The following DISC1 variants were observed in gnomAD, a reference collection of about 807,000 sequenced individuals.
DISC1 encodes disrupted in schizophrenia 1 protein.
A neutral mutation model predicts 84.5 loss-of-function variants in DISC1; 57 were observed. The observed-to-expected ratio is 0.67, with a 90% CI of 0.55 to 0.84. The LOEUF is 0.84. DISC1 is among the 40% of genes least tolerant of loss of function. The pLI, the probability that DISC1 is intolerant of heterozygous loss-of-function variation, is 0.00. For synonymous variants in DISC1, 411 were observed against 415.2 expected, an observed-to-expected ratio of 0.99 and a Z score of 0.12; for missense variants, 1,000 against 1,057.8, an observed-to-expected ratio of 0.95 and a Z score of 0.76.
chr1:231,903,371 C>T (rs907379683), intron 9 of DISC1, among the ~76,000 whole-genome samples: 1 of 152,050 alleles, frequency 6.6e-6, no homozygotes, highest in African/African-American at 2.4e-5. Flanking sequence ...GTTAGGACTT[C>T]AACAATTTAA....
In DISC1 at chr1:231,698,613, TTA is replaced by T. The variant is rs149814877; in HGVS notation, c.1048-3339_1048-3338del. Among the ~76,000 whole-genome samples the T allele has an allele frequency of 0.092, 13,966 of 152,246 alleles. 838 individuals carry two copies. Among genetic ancestry groups the T allele is most frequent in the Non-Finnish European group, 0.13 (9,060 of 68,002 alleles). On this transcript the variant is annotated intron_variant, in intron 2 of 12. Coordinates refer to ENST00000439617, the MANE Select transcript of DISC1 (RefSeq NM_018662.3). The surrounding 1 kb of genome is among the most constrained non-coding windows in gnomAD (Gnocchi z 4.9). Reference sequence around the variant, plus strand: ...ATCTCAGGGCAGTCCATTCAGGGCCTTATAGAGATCACTGGACGAGGTGGGCA... The same window carrying T: ...ATCTCAGGGCAGTCCATTCAGGGCCTTAGAGATCACTGGACGAGGTGGGCA...
chr1:231,745,887 C>A (rs2073927179), intron 3 of DISC1, among the ~76,000 whole-genome samples: 1 of 152,138 alleles, frequency 6.6e-6, no homozygotes, highest in South Asian at 2.1e-4. Context: ...GCTTGATTCT[C>A]TTCCCATGGT....
intron 1 of DISC1, among the ~76,000 whole-genome samples, chr1:231,676,429 A>G (rs960773223): frequency 1.3e-5 from 2 of 152,240 alleles, no homozygotes; most frequent in Admixed American, 6.5e-5. Flanking sequence ...ACTTCTACAC[A>G]TGGAAATCAG....
rs1424248497 is a variant in DISC1 at position 231,993,821 on chromosome 1, G to T, written c.2043-14964G>T. 2.6e-5 allele frequency among the ~76,000 whole-genome samples: 4 copies of T among 152,298 alleles called. No homozygotes were observed. In the East Asian group the frequency reaches 7.7e-4, roughly 29 times the overall value. ...GGAGCCCTGATAACTTTGATTCTGT[G>T]TCTTAAAACTTCAATTCATGCTTCA... On this transcript the variant is annotated intron_variant, in intron 10 of 12. Transcript: ENST00000439617.
chr1:231,724,633 T>C (rs1340984), intron 3 of DISC1, among the ~76,000 whole-genome samples: 151,049 of 152,276 alleles, frequency 0.99, 74,920 homozygotes, highest in Middle Eastern at 1. Flanking sequence ...TAGACACAGA[T>C]GCAAACTTTT....
intron 10 of DISC1, among the ~76,000 whole-genome samples, chr1:231,988,726 A>C (rs1345009707): frequency 6.6e-6 from 1 of 152,212 alleles, no homozygotes; most frequent in Non-Finnish European, 1.5e-5. Context: ...TGGCATTTTT[A>C]TTATAGCAAC....
At chr1:231,714,729 G>GGA (rs151303418) in intron 3 of DISC1, among the ~76,000 whole-genome samples, 2,859 of 148,448 alleles carry the variant, frequency 0.019, 42 homozygotes, top group Non-Finnish European at 0.024. Context: ...AAAGATATAG[G>GGA]GAGAGAGAGA....
chr1:231,990,268 T>A (rs966031676), intron 10 of DISC1, among the ~76,000 whole-genome samples: 2 of 151,870 alleles, frequency 1.3e-5, no homozygotes, highest in African/African-American at 4.8e-5. Flanking sequence ...GACACCCTGT[T>A]ATAGATCAGA....
At chr1:231,846,270 G>C (rs12735632) in intron 9 of DISC1, among the ~76,000 whole-genome samples, 1 of 152,084 alleles carries the variant, frequency 6.6e-6, no homozygotes. Context: ...TTGCTAACCA[G>C]TGATGGAGGA....
chr1:231,887,470 G>T (rs535213152), intron 9 of DISC1, among the ~76,000 whole-genome samples: 1 of 152,340 alleles, frequency 6.6e-6, no homozygotes, highest in Admixed American at 6.5e-5. Context: ...TAGACAGATG[G>T]ATTTGCTCCA....
At chr1:231,787,219 GCTGT>G (rs2077948336) in intron 6 of DISC1, among the ~76,000 whole-genome samples, 1 of 152,164 alleles carries the variant, frequency 6.6e-6, no homozygotes, top group Non-Finnish European at 1.5e-5. Context: ...GCCCAATGCA[GCTGT>G]CTTAGTCCAT....
At chr1:231,870,175 G>T (rs977312603) in intron 9 of DISC1, among the ~76,000 whole-genome samples, 15 of 152,134 alleles carry the variant, frequency 9.9e-5, no homozygotes, top group African/African-American at 3.6e-4. Flanking sequence ...ATCATCAGGG[G>T]AAGCTCCTGA....
intron 10 of DISC1, among the ~76,000 whole-genome samples, chr1:231,993,055 A>G (rs1665436063): frequency 1.3e-5 from 2 of 152,220 alleles, no homozygotes; most frequent in Admixed American, 1.3e-4. Context: ...GAGAAAGGAC[A>G]TCACATATGG....
intron 3 of DISC1, among the ~76,000 whole-genome samples, chr1:231,720,430 C>T (rs1020225893): frequency 2.0e-5 from 3 of 152,094 alleles, no homozygotes; most frequent in African/African-American, 7.2e-5. Flanking sequence ...CCTCAAATTC[C>T]TGGGCTTAGG....
intron 9 of DISC1, among the ~76,000 whole-genome samples, chr1:231,833,287 C>T (rs541585453): frequency 6.5e-4 from 99 of 151,296 alleles, no homozygotes; most frequent in Non-Finnish European, 8.5e-4. Context: ...GAAGCCTGGC[C>T]GTCAATATCT....
At chr1:231,763,144 GT>G (rs2075903340) in intron 4 of DISC1, among the ~76,000 whole-genome samples, 2 of 152,208 alleles carry the variant, frequency 1.3e-5, no homozygotes, top group South Asian at 4.2e-4. Flanking sequence ...CTAATGGTGT[GT>G]GGTATCTGGG....
In DISC1 at chr1:231,959,052, G is replaced by A. The variant is rs1660025370; in HGVS notation, c.2042+164G>A. 2.3e-5 allele frequency: 32 copies of A among 1,408,492 alleles called. 1 individual carries two copies. Among genetic ancestry groups the A allele is most frequent in the Non-Finnish European group, 2.9e-5 (32 of 1,090,204 alleles). The allele number at this position is 1,408,492 out of a possible 1,614,324, so 87.2% of individuals were successfully genotyped here. The stretch of plus-strand genomic sequence containing the variant: ...GAACCCCATCAGTGAAAGAGCAGGT[G>A]CCAGCCCTCATCTTGTCTTTTAAAA... On this transcript the variant is annotated intron_variant, in intron 10 of 12. Transcript: ENST00000439617.
At position 231,948,221 on chromosome 1, in the gene DISC1, A is replaced by G. The variant is rs992380449; in HGVS notation, c.1982-10607A>G. ...GAACCAACCCAAATGTCCATTAATAATAGACTGGATAAAGAAAATGTGGCA... is the reference window on the plus strand; with the variant it reads ...GAACCAACCCAAATGTCCATTAATAGTAGACTGGATAAAGAAAATGTGGCA... On this transcript the variant is annotated intron_variant, in intron 9 of 12. Coordinates refer to ENST00000439617, the MANE Select transcript of DISC1 (RefSeq NM_018662.3). 1.3e-4 allele frequency among the ~76,000 whole-genome samples: 20 copies of G among 152,220 alleles called. 1 individual carries two copies. Among genetic ancestry groups the G allele is most frequent in the Admixed American group, 1.2e-3 (19 of 15,284 alleles).
intron 8 of DISC1, among the ~76,000 whole-genome samples, chr1:231,811,761 C>G (rs1436704507): frequency 6.6e-6 from 1 of 152,190 alleles, no homozygotes; most frequent in East Asian, 1.9e-4. Flanking sequence ...CAGGTGTTGA[C>G]TAAGTCACTT....
Sources: allele counts gnomAD v4.1 joint callset (sites outside exome capture counted in the v4.1 genomes callset), GRCh38; gene constraint gnomAD v4.1.1; non-coding constraint Gnocchi (gnomAD v3.1); transcripts MANE v1.5; gene names NCBI Gene and HGNC (gene_info 2026-07-23, HGNC 2026-07-21).